The following LINGO2 variants were observed in gnomAD, a reference collection of about 807,000 sequenced individuals.
LINGO2 encodes the protein leucine rich repeat and Ig domain containing 2, also known as leucine-rich repeat and immunoglobulin-like domain-containing nogo receptor-interacting protein 2.
LINGO2 carries 14 observed loss-of-function variants against 30.6 expected under a neutral mutation model. That is an observed-to-expected ratio of 0.46 (90% CI 0.30 to 0.72). The LOEUF (loss-of-function observed/expected upper bound fraction) is 0.72. Among genes scored for constraint, LINGO2 ranks in the 30% least tolerant of loss-of-function variants. LINGO2 has a pLI of 0.07. For missense variants in LINGO2, 729 were observed against 751.7 expected, an observed-to-expected ratio of 0.97 and a Z score of 0.35; for synonymous variants, 317 against 288.5, an observed-to-expected ratio of 1.10 and a Z score of -1.00.
chr9:29,192,670 C>A, the LINGO2 span, among the ~76,000 whole-genome samples: 1 of 152,132 alleles, frequency 6.6e-6, no homozygotes, highest in African/African-American at 2.4e-5. Context: ...CATCTCAATT[C>A]GGCCAAGCAG....
At chr9:27,970,599 C>T (rs1820307790) in intron 5 of LINGO2, among the ~76,000 whole-genome samples, 1 of 152,048 alleles carries the variant, frequency 6.6e-6, no homozygotes, top group Admixed American at 6.6e-5. Context: ...TCCATTTTTG[C>T]TGTAGAAAGA....
the LINGO2 span, among the ~76,000 whole-genome samples, chr9:28,912,615 C>T: frequency 6.6e-6 from 1 of 152,146 alleles, no homozygotes; most frequent in South Asian, 2.1e-4. Context: ...ATTCAAGGCT[C>T]ATGCTTTAAC....
intron 4 of LINGO2, among the ~76,000 whole-genome samples, chr9:28,082,006 C>T (rs1043896542): frequency 3.9e-5 from 6 of 152,126 alleles, no homozygotes; most frequent in Non-Finnish European, 8.8e-5. Flanking sequence ...GTACTGTCTT[C>T]TGATTACACA....
intron 3 of LINGO2, among the ~76,000 whole-genome samples, chr9:28,331,669 C>T (rs1228431658): frequency 6.6e-6 from 1 of 152,050 alleles, no homozygotes; most frequent in Non-Finnish European, 1.5e-5. Flanking sequence ...CCATGCCTGG[C>T]AAATTTTTGT....
chr9:28,654,493 CAGG>C (rs1425485566), intron 1 of LINGO2, among the ~76,000 whole-genome samples: 2 of 150,668 alleles, frequency 1.3e-5, no homozygotes, highest in Non-Finnish European at 3.0e-5. Context: ...GATTGAGTAT[CAGG>C]AGACCTCAAT....
At chr9:28,092,105 A>T (rs1826109186) in intron 4 of LINGO2, among the ~76,000 whole-genome samples, 1 of 152,186 alleles carries the variant, frequency 6.6e-6, no homozygotes, top group African/African-American at 2.4e-5. Flanking sequence ...GTGGGACTGT[A>T]AACTGGTTCA....
the LINGO2 span, among the ~76,000 whole-genome samples, chr9:28,745,023 T>G: frequency 6.6e-6 from 1 of 152,014 alleles, no homozygotes; most frequent in African/African-American, 2.4e-5. Context: ...TAGGCACCCA[T>G]GTCATTTAGG....
chr9:28,739,703 AC>A, the LINGO2 span, among the ~76,000 whole-genome samples: 1 of 151,690 alleles, frequency 6.6e-6, no homozygotes, highest in Non-Finnish European at 1.5e-5. Flanking sequence ...AAATCAATTA[AC>A]CCATAAATAT....
the LINGO2 span, among the ~76,000 whole-genome samples, chr9:28,780,321 A>G: frequency 6.7e-6 from 1 of 148,198 alleles, no homozygotes; most frequent in African/African-American, 2.4e-5. Flanking sequence ...TTGGTATTTA[A>G]CGTAGAGGGT....
chr9:28,776,486 A>T, the LINGO2 span, among the ~76,000 whole-genome samples: 1 of 152,220 alleles, frequency 6.6e-6, no homozygotes, highest in Non-Finnish European at 1.5e-5. Flanking sequence ...CTCAAATTCA[A>T]TATTCAAATA....
chr9:29,174,285 C>T, the LINGO2 span, among the ~76,000 whole-genome samples: 1 of 152,130 alleles, frequency 6.6e-6, no homozygotes, highest in Non-Finnish European at 1.5e-5. Context: ...ATCGTTTATA[C>T]TCCCTAAGGC....
At chr9:29,025,933 C>A in the LINGO2 span, among the ~76,000 whole-genome samples, 2 of 152,128 alleles carry the variant, frequency 1.3e-5, no homozygotes, top group African/African-American at 4.8e-5. Context: ...AACAAAATGT[C>A]TCCCAGGTTA....
chr9:27,952,239 G>A (rs1221519078), intron 5 of LINGO2, among the ~76,000 whole-genome samples: 1 of 151,878 alleles, frequency 6.6e-6, no homozygotes, highest in Admixed American at 6.6e-5. Flanking sequence ...AATTATCTCA[G>A]TCATGGCATC....
the LINGO2 span, among the ~76,000 whole-genome samples, chr9:29,076,252 G>A: frequency 2.6e-5 from 4 of 151,954 alleles, no homozygotes; most frequent in East Asian, 3.9e-4. Context: ...TCATTACAAA[G>A]CAACATTGTA....
At chr9:28,238,113 C>T (rs1444170691) in intron 4 of LINGO2, among the ~76,000 whole-genome samples, 1 of 151,716 alleles carries the variant, frequency 6.6e-6, no homozygotes, top group East Asian at 1.9e-4. Flanking sequence ...TCCAACACTG[C>T]AGCACCCAGA....
intron 1 of LINGO2, among the ~76,000 whole-genome samples, chr9:28,571,806 C>T (rs1404169459): frequency 2.0e-5 from 3 of 151,830 alleles, no homozygotes; most frequent in Non-Finnish European, 4.4e-5. Flanking sequence ...AATACAGCAG[C>T]AATTAAGACA....
the LINGO2 span, chr9:27,938,159 A>G: frequency 6.6e-6 from 1 of 152,172 alleles, no homozygotes; most frequent in East Asian, 1.9e-4. Flanking sequence ...AATTTTTCCA[A>G]TCCAGCATCT....
intron 4 of LINGO2, among the ~76,000 whole-genome samples, chr9:28,106,267 T>C (rs573805767): frequency 3.9e-5 from 6 of 152,138 alleles, no homozygotes; most frequent in African/African-American, 1.2e-4. Context: ...CATTTTGTTA[T>C]GGCAGCATGA....
At chr9:28,372,528 T>C (rs1820944243) in intron 3 of LINGO2, among the ~76,000 whole-genome samples, 2 of 152,132 alleles carry the variant, frequency 1.3e-5, no homozygotes, top group Admixed American at 6.5e-5. Context: ...GGAATGATGA[T>C]AGTCAAAGGG....
Sources: gnomAD v4.1 joint callset for allele counts (sites outside exome capture counted in the v4.1 genomes callset) on GRCh38, gnomAD v4.1.1 for gene constraint, MANE v1.5 for transcripts, NCBI Gene and HGNC (gene_info 2026-07-23, HGNC 2026-07-21) for gene names.